Variants in HEYL observed in about 807,000 individuals in gnomAD.
The protein encoded by HEYL is hes related family bHLH transcription factor with YRPW motif like, also known as hairy/enhancer-of-split related with YRPW motif-like protein.
HEYL carries 12 observed loss-of-function variants against 18.6 expected under a neutral mutation model. That is an observed-to-expected ratio of 0.65 (90% CI 0.41 to 1.05). The LOEUF (loss-of-function observed/expected upper bound fraction) is 1.05. Ranked by LOEUF, HEYL falls within the 50% of genes least tolerant of loss-of-function variation. The pLI, the probability that HEYL is intolerant of heterozygous loss-of-function variation, is 0.00. For synonymous variants in HEYL, 159 were observed against 179.6 expected, an observed-to-expected ratio of 0.89 and a Z score of 0.91; for missense variants, 420 against 444.7, an observed-to-expected ratio of 0.94 and a Z score of 0.50.
At chr1:39,627,433 T>C (rs1297136486) in intron 4 of HEYL, among the ~76,000 whole-genome samples, 1 of 152,246 alleles carries the variant, frequency 6.6e-6, no homozygotes, top group Non-Finnish European at 1.5e-5. Flanking sequence ...TGTAAAATAT[T>C]GCTTTCATCA....
intron 4 of HEYL, 37 bp from the exon 5 acceptor site, chr1:39,627,217 T>G (rs1388751259): frequency 6.4e-7 from 1 of 1,572,150 alleles, no homozygotes; most frequent in Admixed American, 1.7e-5. Context: ...ATGCCAGGTG[T>G]GGGGAGAAGC....
rs778075398 is a variant in HEYL at position 39,630,217 on chromosome 1, G to C, written c.313+10C>G. The C allele has an allele frequency of 2.5e-6, 4 of 1,610,682 alleles. No homozygotes were observed. The highest frequency in any genetic ancestry group is 4.5e-5 in the East Asian group (2 of 44,866). ...TATGAATGACGCCTGAAAGAGAAGA[G>C]CATGGGTACCTGTCCCACCAGTGGC... On this transcript the variant is annotated intron_variant, in intron 4 of 4. Transcript: ENST00000372852.
At position 39,626,260 on chromosome 1, in the gene HEYL, C is replaced by T; in HGVS notation, c.*247G>A. Reference sequence around the variant, plus strand: ...TCTGAGGGTCTCTCCCAGGACTCATCTGTTCAGGTGAGAAATGGAACCAAG... The same window carrying T: ...TCTGAGGGTCTCTCCCAGGACTCATTTGTTCAGGTGAGAAATGGAACCAAG... On this transcript the variant is annotated 3_prime_UTR_variant, in exon 5 of 5. Coordinates refer to ENST00000372852, the MANE Select transcript of HEYL (RefSeq NM_014571.4). 2.0e-6 allele frequency: 1 copy of T among 494,538 alleles called. No homozygotes were observed. The highest frequency in any genetic ancestry group is 3.5e-6 in the Non-Finnish European group (1 of 283,306). The allele number at this position is 494,538 out of a possible 1,614,324, so 30.6% of individuals were successfully genotyped here.
chr1:39,630,157 CA>C, intron 4 of HEYL, 69 bp downstream of exon 4: 1 of 1,359,886 alleles, frequency 7.4e-7, no homozygotes, highest in Non-Finnish European at 1.1e-6. Context: ...TGCTCACCAG[CA>C]TATCCCCAGG....
rs138365730 is a variant in HEYL, at chr1:39,626,963, C to T, written c.531G>A (p.Trp177Ter). Residue 177 changes from tryptophan (W) to a stop codon, truncating the protein, a stop_gained, in exon 5 of 5, where the codon TGG (tryptophan) becomes TGA (stop). Transcript: ENST00000372852. LOFTEE classifies it low-confidence loss of function (END_TRUNC). ...GCCCTGGACAGCTATGGAAGAAAGA[C>T]CAGGGCCAGGCAGGGAAGGCCAAAG... Reference protein sequence around the residue: ...TGPLAFPAWPWSFFHSCPGLP... With the variant: ...TGPLAFPAWP 4 of 1,614,032 alleles carry T rather than the reference C, an allele frequency of 2.5e-6. No homozygotes were observed. Among genetic ancestry groups the T allele is most frequent in the South Asian group, 1.1e-5 (1 of 91,072 alleles).
intron 3 of HEYL, 104 bp downstream of exon 3, chr1:39,631,392 C>A: frequency 2.2e-6 from 2 of 901,318 alleles, no homozygotes; most frequent in African/African-American, 1.6e-5. Context: ...ATGATCACAG[C>A]ATCTCAGGCA....
At chr1:39,632,940 TCCTCGCTCCTCGCC>T (rs1646342963) in intron 1 of HEYL, 6 of 984,474 alleles carry the variant, frequency 6.1e-6, no homozygotes, top group Non-Finnish European at 7.2e-6. Context: ...CGCCCCTCGC[TCCTCGCTCCTCGCC>T]CCTCGCGGCG....
chr1:39,634,207 GC>G (rs1431954431), intron 1 of HEYL, among the ~76,000 whole-genome samples: 1 of 152,152 alleles, frequency 6.6e-6, no homozygotes, highest in Non-Finnish European at 1.5e-5. Flanking sequence ...TAATTCTCCT[GC>G]CTCAGCCTCC....
At position 39,632,599 on chromosome 1, in the gene HEYL, T is replaced by C; in HGVS notation, c.147+50A>G. 2.6e-6 allele frequency: 4 copies of C among 1,536,324 alleles called. No individual in the cohort carries two copies. In the East Asian group the frequency reaches 9.2e-5, roughly 35 times the overall value. ...CTCCCCGCCGCCAGACTGCAGGGGA[T>C]TCATGGCAACCCTTTGTTGGTCAAC... On this transcript the variant is annotated intron_variant, in intron 2 of 4. Coordinates refer to ENST00000372852, the MANE Select transcript of HEYL (RefSeq NM_014571.4).
intron 3 of HEYL, among the ~76,000 whole-genome samples, 166 bp downstream of exon 3, chr1:39,631,330 C>T (rs1646331602): frequency 6.6e-6 from 1 of 152,170 alleles, no homozygotes; most frequent in Non-Finnish European, 1.5e-5. Flanking sequence ...CCTGAGACAC[C>T]TAAGTATAAA....
At chr1:39,634,998 C>T (rs1646355271) in intron 1 of HEYL, among the ~76,000 whole-genome samples, 1 of 152,108 alleles carries the variant, frequency 6.6e-6, no homozygotes, top group African/African-American at 2.4e-5. Flanking sequence ...ACACAAGGGT[C>T]CCAGCCCAAG....
chr1:39,631,238 A>C (rs891047907), intron 3 of HEYL, among the ~76,000 whole-genome samples: 1 of 152,138 alleles, frequency 6.6e-6, no homozygotes, highest in Non-Finnish European at 1.5e-5. Context: ...CAGTTTCTTT[A>C]CCTGTGCCAT....
At position 39,626,417 on chromosome 1, in the gene HEYL, T is replaced by G. The variant is rs2695320; in HGVS notation, c.*90A>C. ...GTGCCTTCACATATGAGCCAGTCCA[T>G]GAAGCAAAGCAGAAAAGGCAGTGCC... On this transcript the variant is annotated 3_prime_UTR_variant, in exon 5 of 5. Transcript: ENST00000372852. 7,132 of 1,232,676 alleles carry G rather than the reference T, an allele frequency of 5.8e-3. 275 individuals are homozygous for G. In the African/African-American group the frequency reaches 0.086, roughly 15 times the overall value. 76.4% of individuals were successfully genotyped at this position (1,232,676 alleles called of 1,614,324 possible).
Position 39,626,257 on chromosome 1 carries a change from C to A in HEYL, c.*250G>T. 2.0e-6 allele frequency: 1 copy of A among 491,936 alleles called. No individual in the cohort carries two copies. The highest frequency in any genetic ancestry group is 3.6e-6 in the Non-Finnish European group (1 of 281,634). 30.5% of individuals were successfully genotyped at this position (491,936 alleles called of 1,614,324 possible). A position where few individuals can be genotyped will look rare whatever the true frequency, so the allele number is the denominator to read the frequency against. The stretch of plus-strand genomic sequence containing the variant: ...ATCTCTGAGGGTCTCTCCCAGGACT[C>A]ATCTGTTCAGGTGAGAAATGGAACC... On this transcript the variant is annotated 3_prime_UTR_variant, in exon 5 of 5. Transcript: ENST00000372852.
chr1:39,628,808 T>C (rs1646316421), intron 4 of HEYL, among the ~76,000 whole-genome samples: 1 of 151,980 alleles, frequency 6.6e-6, no homozygotes, highest in South Asian at 2.1e-4. Flanking sequence ...TTCACCGTGT[T>C]AGCCAGGATG....
intron 1 of HEYL, among the ~76,000 whole-genome samples, chr1:39,634,493 C>T (rs989987205): frequency 6.6e-6 from 1 of 152,216 alleles, no homozygotes; most frequent in African/African-American, 2.4e-5. Flanking sequence ...ATGCCCCAGC[C>T]TATGAATGCA....
At position 39,630,264 on chromosome 1, in the gene HEYL, C is replaced by T. The variant is rs138290900; in HGVS notation, c.276G>A (p.Val92=). 1 of 1,614,070 alleles carries T rather than the reference C, an allele frequency of 6.2e-7. No individual in the cohort carries two copies. The highest frequency in any genetic ancestry group is 1.3e-5 in the African/African-American group (1 of 75,018). ...TGGCATGGAGCATTTTCAAGTGATC[C>T]ACCGTCATCTGCAAGACCTCGGCTT... The part of the protein sequence containing the change: ...LEKAEVLQMT[V]DHLKMLHATG... The change falls in exon 4 of 5, where the codon GTG becomes GTA. Residue 92 remains valine (V), a synonymous_variant. Transcript: ENST00000372852.
intron 4 of HEYL, among the ~76,000 whole-genome samples, chr1:39,629,552 A>T (rs374346965): frequency 6.6e-6 from 1 of 152,238 alleles, no homozygotes; most frequent in East Asian, 1.9e-4. Flanking sequence ...CTTCTGTAGC[A>T]GTAAGTTAGG....
At chr1:39,633,119 G>A in intron 1 of HEYL, 2 of 983,990 alleles carry the variant, frequency 2.0e-6, no homozygotes, top group Non-Finnish European at 2.4e-6. Context: ...CGTGGAAAGA[G>A]CAGATGCCGC....
Sources: gnomAD v4.1 joint callset for allele counts (sites outside exome capture counted in the v4.1 genomes callset) on GRCh38, gnomAD v4.1.1 for gene constraint, MANE v1.5 for transcripts, NCBI Gene and HGNC (gene_info 2026-07-23, HGNC 2026-07-21) for gene names.